The following MAPK6 variants were observed in gnomAD, a reference collection of about 807,000 sequenced individuals.
The protein encoded by MAPK6 is ERK-3.
In MAPK6, 19 loss-of-function variants were observed where a neutral mutation model predicts 59.3. The observed-to-expected ratio is 0.32, with a 90% CI of 0.22 to 0.47. The LOEUF (loss-of-function observed/expected upper bound fraction) is 0.47. Ranked by LOEUF, MAPK6 falls within the 20% of genes least tolerant of loss-of-function variation. The probability of loss-of-function intolerance (pLI) is 1.00; values close to 1 mark genes in which losing one functional copy is unlikely to be tolerated. For missense variants in MAPK6, 724 were observed against 847.9 expected (o/e 0.85, Z 1.81); for synonymous variants, 316 against 290.3 (o/e 1.09, Z -0.90).
At position 52,009,001 on chromosome 15, in the gene MAPK6, G is replaced by A. The variant is rs1263011089; in HGVS notation, c.-632+4599G>A. Among the ~76,000 whole-genome samples the A allele has an allele frequency of 2.0e-5, 3 of 152,180 alleles. No homozygotes were observed. The East Asian group carries it at 5.8e-4, about 29-fold the overall frequency. On this transcript the variant is annotated intron_variant, in intron 3 of 7. Transcript: ENST00000691380. Reference sequence around the variant, plus strand: ...GGATTGTGGAAGGCAGACCTACTAAGCCTACCATATGATATACTAATTGAT... The same window carrying A: ...GGATTGTGGAAGGCAGACCTACTAAACCTACCATATGATATACTAATTGAT...
intron 3 of MAPK6, among the ~76,000 whole-genome samples, chr15:52,052,429 A>T (rs978255377): frequency 6.6e-6 from 1 of 152,256 alleles, no homozygotes; most frequent in Non-Finnish European, 1.5e-5. Flanking sequence ...TTCACATATC[A>T]TACAATTTAT....
chr15:52,025,584 C>T (rs1025318343), intron 1 of MAPK6, among the ~76,000 whole-genome samples: 1 of 152,134 alleles, frequency 6.6e-6, no homozygotes, highest in African/African-American at 2.4e-5. Context: ...GGGCGGATCA[C>T]GAGGTCAGGA....
At chr15:51,983,706 T>A (rs965271958) in intron 2 of MAPK6, among the ~76,000 whole-genome samples, 2 of 150,274 alleles carry the variant, frequency 1.3e-5, no homozygotes, top group Non-Finnish European at 3.0e-5. Context: ...ACTTTGGAGG[T>A]TGAGGTGGGA....
chr15:52,054,873 C>T (rs149856970), intron 3 of MAPK6, among the ~76,000 whole-genome samples: 150 of 152,172 alleles, frequency 9.9e-4, no homozygotes, highest in African/African-American at 3.2e-3. Context: ...CTGCAACCTC[C>T]GCCTCCCAGG....
chr15:52,047,227 GA>G (rs1313764899), intron 2 of MAPK6, among the ~76,000 whole-genome samples: 1 of 152,094 alleles, frequency 6.6e-6, no homozygotes, highest in African/African-American at 2.4e-5. Context: ...TTATTATAAT[GA>G]AATTTTAAAG....
intron 2 of MAPK6, among the ~76,000 whole-genome samples, chr15:51,991,964 A>G (rs1213952176): frequency 6.6e-6 from 1 of 152,120 alleles, no homozygotes; most frequent in East Asian, 1.9e-4. Context: ...TTATTTATCT[A>G]TTATTTTTTG....
Position 52,046,088 on chromosome 15 carries a change from T to A in MAPK6, c.-373T>A, listed in dbSNP as rs1028826680. 9.5e-6 allele frequency: 2 copies of A among 210,086 alleles called. No individual in the cohort carries two copies. The highest frequency in any genetic ancestry group is 1.9e-5 in the Non-Finnish European group (2 of 103,696). The allele number at this position is 210,086 out of a possible 1,614,324, so 13.0% of individuals were successfully genotyped here. On this transcript the variant is annotated 5_prime_UTR_variant, in exon 2 of 6. The change creates a premature stop within an existing upstream ORF in the 5' untranslated region. Coordinates refer to ENST00000261845, the MANE Select transcript of MAPK6 (RefSeq NM_002748.4). The stretch of plus-strand genomic sequence containing the variant: ...AGAATGTTCATAGAAGCCTGTTGTG[T>A]GCATATTTATTCACATTTTTGTTAA...
At chr15:52,032,528 G>A (rs928096870) in intron 1 of MAPK6, among the ~76,000 whole-genome samples, 3 of 151,848 alleles carry the variant, frequency 2.0e-5, no homozygotes, top group African/African-American at 7.3e-5. Flanking sequence ...ATATTTTCGA[G>A]ATATTTACCC....
chr15:52,023,125 A>AAAAAAAAAAAAAC (rs1566902303), intron 1 of MAPK6, among the ~76,000 whole-genome samples: 1 of 150,570 alleles, frequency 6.6e-6, no homozygotes. Flanking sequence ...AAAAAAAAAA[A>AAAAAAAAAAAAAC]AAACCGAAAA....
intron 1 of MAPK6, among the ~76,000 whole-genome samples, chr15:52,044,513 C>T (rs1566908733): frequency 6.6e-6 from 1 of 152,102 alleles, no homozygotes; most frequent in Non-Finnish European, 1.5e-5. Context: ...TTTATTCTTT[C>T]TGCCTAAAAT....
intron 2 of MAPK6, among the ~76,000 whole-genome samples, chr15:51,996,609 T>G (rs2057224925): frequency 6.6e-6 from 1 of 152,064 alleles, no homozygotes; most frequent in South Asian, 2.1e-4. Context: ...TTGGCCAGGA[T>G]AGTCTCGAAC....
At chr15:51,974,018 A>C (rs1434720411) in intron 1 of MAPK6, among the ~76,000 whole-genome samples, 2 of 151,914 alleles carry the variant, frequency 1.3e-5, no homozygotes, top group East Asian at 3.8e-4. Context: ...TAAAGGATAT[A>C]ATACATGAGA....
intron 2 of MAPK6, among the ~76,000 whole-genome samples, chr15:52,049,122 G>A (rs1299147289): frequency 6.6e-6 from 1 of 152,156 alleles, no homozygotes; most frequent in East Asian, 1.9e-4. Context: ...CAATATATGT[G>A]TAAGGTTTTG....
rs374601088 is a variant in MAPK6 at position 52,025,578 on chromosome 15, G to A, written c.-632+6202G>A. ...AGCACTTTGGGAGGCTGAGGCGGGC[G>A]GATCACGAGGTCAGGAGATCGAGAC... On this transcript the variant is annotated intron_variant, in intron 1 of 5. Transcript: ENST00000261845. Among the ~76,000 whole-genome samples, 21 of 152,310 alleles carry A rather than the reference G, an allele frequency of 1.4e-4. No individual in the cohort carries two copies. The East Asian group carries it at 3.9e-3, about 28-fold the overall frequency.
intron 2 of MAPK6, among the ~76,000 whole-genome samples, chr15:51,997,477 C>G (rs1200235135): frequency 6.6e-6 from 1 of 151,320 alleles, no homozygotes; most frequent in African/African-American, 2.4e-5. Flanking sequence ...AGGCTGGTCT[C>G]GAATTCCTGA....
chr15:52,025,872 A>G (rs2030753902), intron 1 of MAPK6, among the ~76,000 whole-genome samples: 1 of 152,228 alleles, frequency 6.6e-6, no homozygotes, highest in African/African-American at 2.4e-5. Flanking sequence ...CTAAAATCTA[A>G]GCTGTAATTT....
chr15:52,051,347 C>T (rs781748542), intron 3 of MAPK6, among the ~76,000 whole-genome samples: 3 of 151,962 alleles, frequency 2.0e-5, no homozygotes, highest in Admixed American at 6.6e-5. Flanking sequence ...GTGAGCCACC[C>T]CACCAGGCCC....
intron 1 of MAPK6, among the ~76,000 whole-genome samples, chr15:51,981,467 G>A (rs1467629633): frequency 2.5e-4 from 34 of 134,134 alleles, no homozygotes; most frequent in African/African-American, 8.0e-4. Context: ...GCGAGACTCC[G>A]TCTCAAAAAA....
At chr15:52,016,835 G>A (rs2030284637), upstream of MAPK6, among the ~76,000 whole-genome samples, 1 of 152,272 alleles carries the variant, frequency 6.6e-6, no homozygotes, top group South Asian at 2.1e-4. Context: ...CACCAGGTCA[G>A]GAGATCGAGA....
Sources: gnomAD v4.1 joint callset for allele counts (sites outside exome capture counted in the v4.1 genomes callset) on GRCh38, gnomAD v4.1.1 for gene constraint, MANE v1.5 for transcripts, NCBI Gene and HGNC (gene_info 2026-07-23, HGNC 2026-07-21) for gene names.